Variants in MACROD2 observed in about 807,000 individuals in gnomAD.
The protein encoded by MACROD2 is ADP-ribose glycohydrolase MACROD2.
A neutral mutation model predicts 70.4 loss-of-function variants in MACROD2; 36 were observed. The observed-to-expected ratio is 0.51, with a 90% CI of 0.39 to 0.68. The LOEUF (loss-of-function observed/expected upper bound fraction) is 0.68. MACROD2 is among the 30% of genes least tolerant of loss of function. The probability of loss-of-function intolerance (pLI) is 0.00; values close to 1 mark genes in which losing one functional copy is unlikely to be tolerated. For missense variants in MACROD2, 496 were observed against 538.4 expected, an observed-to-expected ratio of 0.92 and a Z score of 0.78; for synonymous variants, 172 against 178.8, an observed-to-expected ratio of 0.96 and a Z score of 0.30.
intron 3 of MACROD2, among the ~76,000 whole-genome samples, chr20:14,183,679 C>A (rs1236235352): frequency 6.6e-6 from 1 of 152,108 alleles, no homozygotes; most frequent in Non-Finnish European, 1.5e-5. Context: ...TCCTTTTTCT[C>A]TACAACCACA....
chr20:14,042,790 G>A (rs1158213370), intron 2 of MACROD2, among the ~76,000 whole-genome samples: 10 of 152,184 alleles, frequency 6.6e-5, no homozygotes, highest in East Asian at 3.9e-4. Context: ...GTGCGCCACC[G>A]CGTGTGGCTC....
At chr20:15,430,365 G>A (rs928857526) in intron 6 of MACROD2, among the ~76,000 whole-genome samples, 9 of 152,056 alleles carry the variant, frequency 5.9e-5, no homozygotes, top group South Asian at 2.1e-4. Flanking sequence ...AGAAATCTCC[G>A]TACTGTTTTC....
Position 15,641,251 on chromosome 20 carries a change from T to A in MACROD2, c.645+141404T>A, listed in dbSNP as rs115514418. Among the ~76,000 whole-genome samples, 409 of 152,314 alleles carry A rather than the reference T, an allele frequency of 2.7e-3. 2 individuals are homozygous for A. Among genetic ancestry groups the A allele is most frequent in the African/African-American group, 9.3e-3 (386 of 41,578 alleles). ...ATTCTTTTCTTCTCTTTCATCCAAC[T>A]GCTTTCTCCAGACTTCAACTCTTAT... On this transcript the variant is annotated intron_variant, in intron 8 of 17. Coordinates refer to ENST00000684519, the MANE Select transcript of MACROD2 (RefSeq NM_001351661.2).
intron 8 of MACROD2, among the ~76,000 whole-genome samples, chr20:15,844,607 A>G (rs762108244): frequency 2.6e-5 from 4 of 152,152 alleles, no homozygotes; most frequent in Non-Finnish European, 5.9e-5. Context: ...CCGTACACCT[A>G]GTGTTGTACT....
At chr20:15,466,488 T>G (rs2146425379) in intron 7 of MACROD2, among the ~76,000 whole-genome samples, 1 of 152,316 alleles carries the variant, frequency 6.6e-6, no homozygotes. Context: ...TTTTATGAAC[T>G]GGATCAGAAT....
chr20:14,694,128 G>A (rs6105310), intron 5 of MACROD2, among the ~76,000 whole-genome samples: 4,646 of 152,054 alleles, frequency 0.031, 232 homozygotes, highest in African/African-American at 0.1. Flanking sequence ...GGCTATGAGA[G>A]AAAAAAGATC....
intron 8 of MACROD2, among the ~76,000 whole-genome samples, chr20:15,587,246 G>A (rs1399827104): frequency 6.6e-6 from 1 of 152,174 alleles, no homozygotes; most frequent in Non-Finnish European, 1.5e-5. Flanking sequence ...GATCTTGTGA[G>A]ACTTACTCCC....
At chr20:14,017,916 G>A (rs1011430681) in intron 2 of MACROD2, among the ~76,000 whole-genome samples, 3 of 152,064 alleles carry the variant, frequency 2.0e-5, no homozygotes, top group Non-Finnish European at 4.4e-5. Flanking sequence ...CAAGCTATGT[G>A]GTCTTGGACT....
chr20:14,029,102 T>G lies in MACROD2; in HGVS notation c.163+26698T>G, dbSNP rs537238070. Among the ~76,000 whole-genome samples, 3 of 152,342 alleles carry G rather than the reference T, an allele frequency of 2.0e-5. No homozygotes were observed. In the East Asian group the frequency reaches 5.8e-4, roughly 29 times the overall value. On this transcript the variant is annotated intron_variant, in intron 2 of 17. Coordinates refer to ENST00000684519, the MANE Select transcript of MACROD2 (RefSeq NM_001351661.2). ...TCAGACAGTTGCTAGCTCATATTCT[T>G]TCTTCAACTGTTCGTTAAATGGATT...
intron 7 of MACROD2, among the ~76,000 whole-genome samples, chr20:15,438,019 G>A (rs2146369189): frequency 6.6e-6 from 1 of 152,096 alleles, no homozygotes; most frequent in African/African-American, 2.4e-5. Flanking sequence ...ATTAGCCATG[G>A]TAGTGGGCAT....
intron 9 of MACROD2, among the ~76,000 whole-genome samples, chr20:15,879,593 T>C (rs1438691410): frequency 6.6e-6 from 1 of 152,184 alleles, no homozygotes; most frequent in African/African-American, 2.4e-5. Flanking sequence ...CAAAAGATGG[T>C]ATGTCACTCC....
intron 5 of MACROD2, among the ~76,000 whole-genome samples, chr20:14,773,683 C>T (rs961090781): frequency 2.0e-5 from 3 of 152,018 alleles, no homozygotes; most frequent in Admixed American, 6.6e-5. Flanking sequence ...GAGTGACTCA[C>T]CAAAGGGCTT....
intron 5 of MACROD2, among the ~76,000 whole-genome samples, chr20:14,983,968 A>G (rs2074825700): frequency 6.6e-6 from 1 of 152,178 alleles, no homozygotes; most frequent in Non-Finnish European, 1.5e-5. Flanking sequence ...GCAGAAGCCA[A>G]TCTGATTGCT....
chr20:14,253,581 T>C (rs1435940706), intron 3 of MACROD2, among the ~76,000 whole-genome samples: 1 of 152,124 alleles, frequency 6.6e-6, no homozygotes, highest in Non-Finnish European at 1.5e-5. Flanking sequence ...AATGTCCATA[T>C]ATGTTTGAAT....
chr20:14,358,944 T>C (rs1003768844), intron 3 of MACROD2, among the ~76,000 whole-genome samples: 2 of 152,134 alleles, frequency 1.3e-5, no homozygotes, highest in African/African-American at 4.8e-5. Flanking sequence ...CTCAGCACTT[T>C]AAGAAGCTGA....
At chr20:15,043,215 G>A (rs1017841049) in intron 5 of MACROD2, among the ~76,000 whole-genome samples, 5 of 152,188 alleles carry the variant, frequency 3.3e-5, no homozygotes, top group African/African-American at 1.2e-4. Flanking sequence ...ATTTTATTTA[G>A]CCCACAAAGT....
chr20:15,616,404 A>G (rs1250524339), intron 8 of MACROD2, among the ~76,000 whole-genome samples: 1 of 152,104 alleles, frequency 6.6e-6, no homozygotes, highest in Admixed American at 6.6e-5. Context: ...GTGCCCAGCC[A>G]GTTCCCCATT....
At chr20:15,096,164 G>T (rs928918973) in intron 5 of MACROD2, among the ~76,000 whole-genome samples, 75 of 152,038 alleles carry the variant, frequency 4.9e-4, no homozygotes, top group African/African-American at 1.8e-3. Context: ...AATGGAGCTT[G>T]CCAGTAGCAG....
chr20:14,543,278 GCAGGA>G (rs1163034928), intron 4 of MACROD2, among the ~76,000 whole-genome samples: 3 of 152,142 alleles, frequency 2.0e-5, no homozygotes, highest in Non-Finnish European at 4.4e-5. Context: ...CAAATCCCAG[GCAGGA>G]CAGAACAGAA....
Sources: allele counts gnomAD v4.1 joint callset (sites outside exome capture counted in the v4.1 genomes callset), GRCh38; gene constraint gnomAD v4.1.1; transcripts MANE v1.5; gene names NCBI Gene and HGNC (gene_info 2026-07-23, HGNC 2026-07-21).